TENM4: variants seen among roughly 807,000 people sequenced by gnomAD.
TENM4 encodes the protein teneurin transmembrane protein 4.
A neutral mutation model predicts 243.3 loss-of-function variants in TENM4; 82 were observed. The ratio of observed to expected loss-of-function variants is 0.34; its 90% CI spans 0.28 to 0.40. The LOEUF (loss-of-function observed/expected upper bound fraction) is 0.40, where lower values mean the gene tolerates loss of function less well. Ranked by LOEUF, TENM4 falls within the 10% of genes least tolerant of loss-of-function variation. The pLI, the probability that TENM4 is intolerant of heterozygous loss-of-function variation, is 1.00. For missense variants in TENM4, 3,138 were observed against 3,673.3 expected, an observed-to-expected ratio of 0.85 and a Z score of 3.77; for synonymous variants, 1,412 against 1,456.3, an observed-to-expected ratio of 0.97 and a Z score of 0.69.
intron 3 of TENM4, among the ~76,000 whole-genome samples, chr11:79,200,162 C>T (rs576652475): frequency 1.2e-4 from 18 of 152,294 alleles, no homozygotes; most frequent in African/African-American, 2.2e-4. Flanking sequence ...GGAAATGCAC[C>T]GTGCTCTGTC....
chr11:78,982,462 C>A (rs631668), intron 6 of TENM4, among the ~76,000 whole-genome samples: 1 of 152,000 alleles, frequency 6.6e-6, no homozygotes, highest in Non-Finnish European at 1.5e-5. Flanking sequence ...TGATTGACAA[C>A]TGGCTGACAC....
intron 16 of TENM4, among the ~76,000 whole-genome samples, chr11:78,781,017 C>T (rs928721753): frequency 2.0e-5 from 3 of 152,202 alleles, no homozygotes; most frequent in African/African-American, 4.8e-5. Context: ...ATACCAAGTC[C>T]ATGAGTTTTC....
In TENM4 at chr11:78,669,640, T is replaced by C; in HGVS notation, c.6705A>G (p.Thr2235=). The C allele has an allele frequency of 2.5e-6, 4 of 1,613,974 alleles. No individual in the cohort carries two copies. Among genetic ancestry groups the C allele is most frequent in the African/African-American group, 1.3e-5 (1 of 75,022 alleles). The change falls in exon 32 of 34, where the codon ACA becomes ACG. Residue 2235 remains threonine, a synonymous_variant. Coordinates refer to ENST00000278550, the MANE Select transcript of TENM4 (RefSeq NM_001098816.3). The surrounding 1 kb of genome is among the most constrained non-coding windows in gnomAD (Gnocchi z 6.4). ...LLSPGNSARL[T]PLRYDIRDRI... ...GGTCGCGGATGTCATACCGTAGTGG[T>C]GTGAGCCGTGCACTGTTCCCAGGGC... is the stretch of plus-strand genomic sequence containing the variant.
chr11:79,024,615 G>A (rs1212754618), intron 6 of TENM4, among the ~76,000 whole-genome samples: 1 of 152,102 alleles, frequency 6.6e-6, no homozygotes, highest in East Asian at 1.9e-4. Context: ...TCCTCAATAA[G>A]AAGGTGAGTG....
intron 1 of TENM4, among the ~76,000 whole-genome samples, chr11:79,362,337 G>A (rs1857604492): frequency 6.6e-6 from 1 of 152,176 alleles, no homozygotes; most frequent in Non-Finnish European, 1.5e-5. Flanking sequence ...GTTCATCAGG[G>A]AGCTAATTCT....
At chr11:79,071,501 A>G (rs1860414959) in intron 4 of TENM4, among the ~76,000 whole-genome samples, 2 of 152,130 alleles carry the variant, frequency 1.3e-5, no homozygotes, top group Admixed American at 1.3e-4. Context: ...GTGTCTTGTG[A>G]ATTTTTAAGA....
intron 9 of TENM4, among the ~76,000 whole-genome samples, chr11:78,864,075 C>T (rs1319283713): frequency 6.6e-6 from 1 of 152,068 alleles, no homozygotes; most frequent in Non-Finnish European, 1.5e-5. Context: ...GATATACTAC[C>T]TTTGGGTTTA....
rs1051097465 is a variant in TENM4, at chr11:78,654,954, G to A, written c.*3104C>T. 4.6e-5 allele frequency: 7 copies of A among 152,446 alleles called. No homozygotes were observed. The highest frequency in any genetic ancestry group is 1.7e-4 in the African/African-American group (7 of 41,444). The allele number at this position is 152,446 out of a possible 1,614,324, so 9.4% of individuals were successfully genotyped here. ...GTAGGAGAGAAGGCAGGAACTGTAGGATCATACACCTGGGCAGGTGAGGGA... is the reference window on the plus strand; with the variant it reads ...GTAGGAGAGAAGGCAGGAACTGTAGAATCATACACCTGGGCAGGTGAGGGA... On this transcript the variant is annotated 3_prime_UTR_variant, in exon 34 of 34. Transcript: ENST00000278550.
chr11:78,792,218 C>A (rs1379280420), intron 15 of TENM4, among the ~76,000 whole-genome samples: 1 of 152,136 alleles, frequency 6.6e-6, no homozygotes, highest in East Asian at 1.9e-4. Flanking sequence ...GAATGTGTTC[C>A]TGAAGAATGA....
chr11:78,851,169 G>T (rs1858529014), intron 12 of TENM4, among the ~76,000 whole-genome samples: 1 of 152,198 alleles, frequency 6.6e-6, no homozygotes, highest in South Asian at 2.1e-4. Flanking sequence ...CAGTATCACT[G>T]GGTGATGGTT....
rs1333667070 is a variant in TENM4 at position 79,378,241 on chromosome 11, G to A, written c.-321+62268C>T. Among the ~76,000 whole-genome samples, 6 of 152,304 alleles carry A rather than the reference G, an allele frequency of 3.9e-5. 1 individual carries two copies. Among genetic ancestry groups the A allele is most frequent in the Admixed American group, 2.6e-4 (4 of 15,302 alleles). ...GGATCTTGGGCACTGGAGACCTGTC[G>A]CCACCAAGATCTGTCCTGCACCTGT... On this transcript the variant is annotated intron_variant, in intron 1 of 33. Coordinates refer to ENST00000278550, the MANE Select transcript of TENM4 (RefSeq NM_001098816.3).
At chr11:78,860,648 C>A (rs1858796806) in intron 10 of TENM4, among the ~76,000 whole-genome samples, 1 of 152,142 alleles carries the variant, frequency 6.6e-6, no homozygotes, top group African/African-American at 2.4e-5. Flanking sequence ...TTGACCAGGG[C>A]AAAATAAAGG....
chr11:79,145,493 T>G (rs906719337), intron 4 of TENM4, among the ~76,000 whole-genome samples: 1 of 152,096 alleles, frequency 6.6e-6, no homozygotes, highest in Non-Finnish European at 1.5e-5. Flanking sequence ...TCATAAAGTT[T>G]CTTTGTGCCT....
chr11:78,701,986 C>T lies in TENM4; in HGVS notation c.4627G>A (p.Ala1543Thr), dbSNP rs564341349. 2.5e-5 allele frequency: 40 copies of T among 1,614,028 alleles called. No homozygotes were observed. The highest frequency in any genetic ancestry group is 2.4e-4 in the African/African-American group (18 of 75,048). Residue 1543 changes from alanine to threonine, a missense_variant, in exon 28 of 34, where the codon GCT (alanine) becomes ACT (threonine). Ala to Thr is a moderately conservative substitution (Grantham distance 58). Around this residue, in one of 2 missense-constraint regions of TENM4, gnomAD observed 2,467 missense variants for 3,059.1 expected, o/e 0.81. Transcript: ENST00000278550. ...TAGAGCTCCCCATCAGCACACACAGCCAAGGAAGATGGGGTATTTAACTTT... is the reference window on the plus strand; with the variant it reads ...TAGAGCTCCCCATCAGCACACACAGTCAAGGAAGATGGGGTATTTAACTTT... Reference protein sequence around the residue: ...DAKLNTPSSLAVCADGELYVA... With the variant: ...DAKLNTPSSLTVCADGELYVA...
intron 6 of TENM4, among the ~76,000 whole-genome samples, chr11:78,963,108 G>A (rs1485397249): frequency 1.3e-5 from 2 of 152,136 alleles, no homozygotes; most frequent in Non-Finnish European, 2.9e-5. Context: ...TAATTCTAGG[G>A]GGTCTCACAT....
At chr11:78,839,371 C>T (rs1427261926) in intron 12 of TENM4, among the ~76,000 whole-genome samples, 1 of 152,092 alleles carries the variant, frequency 6.6e-6, no homozygotes, top group African/African-American at 2.4e-5. Context: ...ACATGTAGTC[C>T]TCATTCAGAT....
intron 26 of TENM4, among the ~76,000 whole-genome samples, 161 bp downstream of exon 26, chr11:78,712,321 G>C (rs1478995217): frequency 1.3e-5 from 2 of 152,172 alleles, no homozygotes; most frequent in Non-Finnish European, 2.9e-5. Flanking sequence ...AATGTTAACT[G>C]GGAGTATTTC....
At chr11:78,813,149 C>T (rs28754544) in intron 13 of TENM4, among the ~76,000 whole-genome samples, 2 of 152,212 alleles carry the variant, frequency 1.3e-5, no homozygotes, top group African/African-American at 2.4e-5. Context: ...TTCCTTGGGG[C>T]TGCTAGCTTT....
intron 6 of TENM4, among the ~76,000 whole-genome samples, chr11:78,915,594 T>G (rs989099323): frequency 3.9e-5 from 6 of 152,142 alleles, no homozygotes; most frequent in African/African-American, 1.2e-4. Flanking sequence ...AGCTGATAAT[T>G]GAGATGGGCA....
Sources: allele counts gnomAD v4.1 joint callset (sites outside exome capture counted in the v4.1 genomes callset), GRCh38; gene constraint gnomAD v4.1.1; regional missense constraint gnomAD v4.1.1; non-coding constraint Gnocchi (gnomAD v3.1); transcripts MANE v1.5; gene names NCBI Gene and HGNC (gene_info 2026-07-23, HGNC 2026-07-21).